Variants in CDH13 observed in about 807,000 individuals in gnomAD.
CDH13 encodes cadherin-13.
A neutral mutation model predicts 63.8 loss-of-function variants in CDH13; 24 were observed. The ratio of observed to expected loss-of-function variants is 0.38; its 90% CI spans 0.27 to 0.53. CDH13 has a LOEUF of 0.53. CDH13 is among the 20% of genes least tolerant of loss of function. The pLI is 0.85. For synonymous variants in CDH13, 503 were observed against 355.3 expected, an observed-to-expected ratio of 1.42 and a Z score of -4.67; for missense variants, 1,049 against 903.1, an observed-to-expected ratio of 1.16 and a Z score of -2.07.
At chr16:83,236,684 A>T (rs1195122097) in intron 5 of CDH13, among the ~76,000 whole-genome samples, 1 of 152,080 alleles carries the variant, frequency 6.6e-6, no homozygotes, top group Non-Finnish European at 1.5e-5. Context: ...GCTAAGTAAA[A>T]TATAAGGGAG....
intron 2 of CDH13, among the ~76,000 whole-genome samples, chr16:82,912,618 C>G (rs1320547648): frequency 1.3e-5 from 2 of 152,172 alleles, no homozygotes; most frequent in African/African-American, 2.4e-5. Context: ...GAAGAAACAA[C>G]TAATTTGTGC....
chr16:82,949,679 CTT>C (rs568911334), intron 2 of CDH13, among the ~76,000 whole-genome samples: 4 of 151,594 alleles, frequency 2.6e-5, no homozygotes, highest in Non-Finnish European at 4.4e-5. Context: ...TCAGAGAAAA[CTT>C]TTTTTTTATA....
chr16:82,685,503 C>T (rs1269295305), intron 1 of CDH13, among the ~76,000 whole-genome samples: 1 of 152,148 alleles, frequency 6.6e-6, no homozygotes, highest in Non-Finnish European at 1.5e-5. Flanking sequence ...AAATCTTTAG[C>T]CTGTAGCAAA....
intron 7 of CDH13, among the ~76,000 whole-genome samples, chr16:83,544,640 A>C (rs1166990241): frequency 6.6e-6 from 1 of 152,228 alleles, no homozygotes; most frequent in Non-Finnish European, 1.5e-5. Flanking sequence ...ACTAGAATTC[A>C]AAATTTGAAA....
At chr16:82,698,969 C>G (rs1316966796) in intron 1 of CDH13, among the ~76,000 whole-genome samples, 2 of 151,994 alleles carry the variant, frequency 1.3e-5, no homozygotes, top group East Asian at 1.9e-4. Context: ...CAGAGATATT[C>G]TTAGCTTCCA....
chr16:83,068,894 T>C (rs540418827), intron 3 of CDH13, among the ~76,000 whole-genome samples: 1 of 152,286 alleles, frequency 6.6e-6, no homozygotes, highest in East Asian at 1.9e-4. Context: ...GGAAGTATGG[T>C]CTTTTGCATT....
intron 8 of CDH13, among the ~76,000 whole-genome samples, chr16:83,611,315 G>A (rs1441458122): frequency 2.0e-5 from 3 of 151,958 alleles, no homozygotes; most frequent in African/African-American, 7.2e-5. Flanking sequence ...TGTCATCTGT[G>A]CTCTATTTTT....
intron 4 of CDH13, among the ~76,000 whole-genome samples, chr16:83,150,716 A>T (rs1393010236): frequency 6.6e-6 from 1 of 152,158 alleles, no homozygotes. Context: ...AACTCTTAGG[A>T]ATTAGACAAA....
intron 2 of CDH13, among the ~76,000 whole-genome samples, chr16:82,983,245 C>G (rs1347261345): frequency 6.6e-6 from 1 of 152,132 alleles, no homozygotes; most frequent in Non-Finnish European, 1.5e-5. Flanking sequence ...TTTTACTTAG[C>G]CTTCCTTTCC....
intron 7 of CDH13, among the ~76,000 whole-genome samples, chr16:83,596,263 A>G (rs1907248297): frequency 6.6e-6 from 1 of 152,166 alleles, no homozygotes; most frequent in African/African-American, 2.4e-5. Flanking sequence ...GGGCAGAGAG[A>G]AGCACAAGGG....
At chr16:82,803,275 A>G (rs1049500595) in intron 1 of CDH13, among the ~76,000 whole-genome samples, 3 of 152,190 alleles carry the variant, frequency 2.0e-5, no homozygotes, top group Non-Finnish European at 2.9e-5. Context: ...GATGATCTCA[A>G]TTTTGAATAA....
At chr16:83,396,517 TC>T (rs1476891811) in intron 6 of CDH13, 1 of 152,186 alleles carries the variant, frequency 6.6e-6, no homozygotes, top group African/African-American at 2.4e-5. Flanking sequence ...CTTTTTTGTA[TC>T]ATAATGACCT....
intron 8 of CDH13, among the ~76,000 whole-genome samples, chr16:83,652,322 G>A (rs535517692): frequency 1.1e-3 from 166 of 152,300 alleles, no homozygotes; most frequent in Non-Finnish European, 2.0e-3. Context: ...TCTTGTCCTT[G>A]TTTGTGCTGT....
At chr16:83,117,679 A>G (rs1012650886) in intron 3 of CDH13, among the ~76,000 whole-genome samples, 4 of 151,938 alleles carry the variant, frequency 2.6e-5, no homozygotes, top group Non-Finnish European at 5.9e-5. Flanking sequence ...GAAAGAATGA[A>G]TGAATGACTT....
intron 6 of CDH13, among the ~76,000 whole-genome samples, chr16:83,444,991 C>T (rs2072630610): frequency 6.6e-6 from 1 of 152,150 alleles, no homozygotes. Flanking sequence ...TATCCATATT[C>T]AGAAACCACA....
At chr16:83,015,832 T>C (rs1459604026) in intron 2 of CDH13, among the ~76,000 whole-genome samples, 1 of 150,640 alleles carries the variant, frequency 6.6e-6, no homozygotes, top group Non-Finnish European at 1.5e-5. Context: ...GTAATGTACT[T>C]GAGATCCCAT....
At chr16:83,668,242 AT>A (rs1283922920) in intron 8 of CDH13, among the ~76,000 whole-genome samples, 1 of 152,172 alleles carries the variant, frequency 6.6e-6, no homozygotes, top group Non-Finnish European at 1.5e-5. Context: ...AAGATCATTC[AT>A]TCATTCAACA....
chr16:83,104,972 C>T (rs533677367), intron 3 of CDH13, among the ~76,000 whole-genome samples: 2 of 152,252 alleles, frequency 1.3e-5, no homozygotes, highest in East Asian at 3.9e-4. Flanking sequence ...GAGAAAGGAA[C>T]GTGCCATTCT....
At chr16:83,072,537 A>G (rs1009843232) in intron 3 of CDH13, among the ~76,000 whole-genome samples, 1 of 152,164 alleles carries the variant, frequency 6.6e-6, no homozygotes, top group South Asian at 2.1e-4. Context: ...AAAGCTAGAG[A>G]TGTTTGTGTG....
Sources: gnomAD v4.1 joint callset for allele counts (sites outside exome capture counted in the v4.1 genomes callset) on GRCh38, gnomAD v4.1.1 for gene constraint, MANE v1.5 for transcripts, NCBI Gene and HGNC (gene_info 2026-07-23, HGNC 2026-07-21) for gene names.